The following WDFY4 variants were observed in gnomAD, a reference collection of about 807,000 sequenced individuals.
WDFY4 encodes WDFY family member 4.
In WDFY4, 169 loss-of-function variants were observed where a neutral mutation model predicts 351.9. The ratio of observed to expected loss-of-function variants is 0.48; its 90% CI spans 0.42 to 0.55. The LOEUF is 0.55. Among genes scored for constraint, WDFY4 ranks in the 20% least tolerant of loss-of-function variants. WDFY4 has a pLI of 0.00. For synonymous variants in WDFY4, 1,622 were observed against 1,574.6 expected (o/e 1.03, Z -0.71); for missense variants, 3,803 against 3,935.6 (o/e 0.97, Z 0.90).
At chr10:48,874,067 C>T (rs2069895931) in intron 41 of WDFY4, among the ~76,000 whole-genome samples, 1 of 152,214 alleles carries the variant, frequency 6.6e-6, no homozygotes, top group Non-Finnish European at 1.5e-5. Flanking sequence ...TCTGCTCGCA[C>T]AAGTTACTTG....
At chr10:48,857,752 T>G (rs1469776085) in intron 39 of WDFY4, among the ~76,000 whole-genome samples, 1 of 152,174 alleles carries the variant, frequency 6.6e-6, no homozygotes, top group Non-Finnish European at 1.5e-5. Context: ...ATTCACATCT[T>G]TTGTACATTT....
intron 39 of WDFY4, among the ~76,000 whole-genome samples, chr10:48,860,387 G>A (rs1482227480): frequency 1.3e-5 from 2 of 152,156 alleles, no homozygotes; most frequent in African/African-American, 2.4e-5. Context: ...TTGTCTCCCT[G>A]GTGAAGGCTC....
At chr10:48,884,349 A>C (rs2943255) in intron 43 of WDFY4, 93,531 of 152,002 alleles carry the variant, frequency 0.62, 29,191 homozygotes, top group Non-Finnish European at 0.66. Flanking sequence ...TTCTGAAATG[A>C]AAACAACACA....
Position 48,974,519 on chromosome 10 carries a change from A to AAAAAAAAAAAAAAAC in WDFY4, c.8929-333_8929-332insAAAACAAAAAAAAAA, listed in dbSNP as rs1352344126. On this transcript the variant is annotated intron_variant, in intron 57 of 61. Transcript: ENST00000325239. ...CTCCGTCTCAAAAAAAAAAAAAAAA[A>AAAAAAAAAAAAAAAC]AAAAAAAAAACAACTCATGACATGA... Among the ~76,000 whole-genome samples, 270 of 49,848 alleles carry AAAAAAAAAAAAAAAC rather than the reference A, an allele frequency of 5.4e-3. 21 individuals are homozygous for AAAAAAAAAAAAAAAC. Among genetic ancestry groups the AAAAAAAAAAAAAAAC allele is most frequent in the East Asian group, 7.8e-3 (10 of 1,286 alleles). The allele number at this position is 49,848 out of a possible 152,430, so 32.7% of individuals were successfully genotyped here. A position where few individuals can be genotyped will look rare whatever the true frequency, so the allele number is the denominator to read the frequency against.
At position 48,946,035 on chromosome 10, in the gene WDFY4, T is replaced by A. The variant is rs976082313; in HGVS notation, c.7750-5T>A. 5 of 1,538,194 alleles carry A rather than the reference T, an allele frequency of 3.3e-6. No individual in the cohort carries two copies. The African/African-American group carries it at 5.6e-5, about 17-fold the overall frequency. ...GTTAACTCCAGCTGCACATCTGCCTTCTAGACATTGAACTTGGCAAATCCG... is the reference window on the plus strand; with the variant it reads ...GTTAACTCCAGCTGCACATCTGCCTACTAGACATTGAACTTGGCAAATCCG... On this transcript the variant is annotated splice_polypyrimidine_tract_variant and splice_region_variant and intron_variant, in intron 49 of 61. Coordinates refer to ENST00000325239, the MANE Select transcript of WDFY4 (RefSeq NM_001394531.1).
chr10:48,741,878 G>A (rs946006365), intron 11 of WDFY4, among the ~76,000 whole-genome samples: 17 of 152,090 alleles, frequency 1.1e-4, no homozygotes, highest in African/African-American at 4.1e-4. Context: ...CCACTCTCTA[G>A]GAAACACACA....
intron 27 of WDFY4, among the ~76,000 whole-genome samples, chr10:48,807,399 G>A (rs1193389663): frequency 6.6e-6 from 1 of 152,166 alleles, no homozygotes; most frequent in Non-Finnish European, 1.5e-5. Context: ...GCTATGATTT[G>A]AGTTCTGTTT....
intron 1 of WDFY4, among the ~76,000 whole-genome samples, chr10:48,703,296 A>C (rs997358670): frequency 1.3e-5 from 2 of 152,178 alleles, no homozygotes; most frequent in Non-Finnish European, 2.9e-5. Flanking sequence ...CATGGAGAGG[A>C]AAACAGATCA....
At chr10:48,948,615 C>T (rs961082237) in intron 51 of WDFY4, among the ~76,000 whole-genome samples, 1 of 152,204 alleles carries the variant, frequency 6.6e-6, no homozygotes, top group African/African-American at 2.4e-5. Flanking sequence ...AGCTCTGCCA[C>T]TTAATAGATG....
chr10:48,878,063 A>AAATGGGCC (rs1430985238), intron 43 of WDFY4: 1 of 152,308 alleles, frequency 6.6e-6, no homozygotes, highest in Non-Finnish European at 1.5e-5. Flanking sequence ...GCTCAGGCTT[A>AAATGGGCC]AATGGGCCAA....
At chr10:48,837,292 G>GC (rs199633144) in intron 39 of WDFY4, among the ~76,000 whole-genome samples, 1,612 of 152,164 alleles carry the variant, frequency 0.011, 27 homozygotes, top group African/African-American at 0.037. Context: ...CAGGGAGAAG[G>GC]CCAGAGACAT....
chr10:48,722,727 C>T lies in WDFY4; in HGVS notation c.457-706C>T, dbSNP rs73306145. 8.8e-3 allele frequency among the ~76,000 whole-genome samples: 1,333 copies of T among 152,306 alleles called. 25 individuals are homozygous for T. Among genetic ancestry groups the T allele is most frequent in the African/African-American group, 0.03 (1,228 of 41,564 alleles). On this transcript the variant is annotated intron_variant, in intron 4 of 61. Coordinates refer to ENST00000325239, the MANE Select transcript of WDFY4 (RefSeq NM_001394531.1). ...ACACACACACGTGCGTGCGCACACA[C>T]GCACACACAGAGGGTGCAGGTGCAG...
intron 47 of WDFY4, chr10:48,910,805 G>T: frequency 2.0e-6 from 1 of 511,600 alleles, no homozygotes; most frequent in Non-Finnish European, 2.5e-6. Flanking sequence ...GCAAGTAAGG[G>T]TGTTGAGGAC....
At chr10:48,980,781 C>T (rs1447073885) in intron 60 of WDFY4, among the ~76,000 whole-genome samples, 1 of 152,134 alleles carries the variant, frequency 6.6e-6, no homozygotes, top group Non-Finnish European at 1.5e-5. Context: ...CTCGCAGGGA[C>T]GTACCCAGCT....
Position 48,907,621 on chromosome 10 carries a change from A to G in WDFY4, c.7586+5758A>G, listed in dbSNP as rs368113360. Among the ~76,000 whole-genome samples, 7 of 152,298 alleles carry G rather than the reference A, an allele frequency of 4.6e-5. No individual in the cohort carries two copies. In the East Asian group the frequency reaches 1.2e-3, roughly 25 times the overall value. On this transcript the variant is annotated intron_variant, in intron 47 of 61. Transcript: ENST00000325239. ...GATTCCCATGAGAATATGACCTTCCATGTTAATTAACCACACCCCAGAGGC... is the reference window on the plus strand; with the variant it reads ...GATTCCCATGAGAATATGACCTTCCGTGTTAATTAACCACACCCCAGAGGC...
At chr10:48,784,188 C>T (rs1307799063) in intron 19 of WDFY4, among the ~76,000 whole-genome samples, 1 of 152,196 alleles carries the variant, frequency 6.6e-6, no homozygotes, top group Non-Finnish European at 1.5e-5. Flanking sequence ...AAGTCTTCAT[C>T]TATCTGGGAT....
intron 23 of WDFY4, 57 bp from the exon 24 acceptor site, chr10:48,796,241 A>C (rs1410195584): frequency 4.6e-6 from 7 of 1,510,492 alleles, no homozygotes; most frequent in Non-Finnish European, 6.2e-6. Flanking sequence ...AAGTGGGTGA[A>C]GGGGAAATCT....
intron 12 of WDFY4, chr10:48,745,882 C>T (rs1183262833): frequency 3.6e-6 from 1 of 274,496 alleles, no homozygotes; most frequent in African/African-American, 2.3e-5. Context: ...ACCGCGGGCC[C>T]TGCACTGTCG....
intron 1 of WDFY4, among the ~76,000 whole-genome samples, chr10:48,691,133 T>C (rs964925174): frequency 1.3e-5 from 2 of 152,074 alleles, no homozygotes; most frequent in Admixed American, 6.5e-5. Flanking sequence ...AGGCCAGAAT[T>C]TGGGACAGGG....
Sources: allele counts gnomAD v4.1 joint callset (sites outside exome capture counted in the v4.1 genomes callset), GRCh38; gene constraint gnomAD v4.1.1; transcripts MANE v1.5; gene names NCBI Gene and HGNC (gene_info 2026-07-23, HGNC 2026-07-21).